The following GRIK1 variants were observed in gnomAD, a reference collection of about 807,000 sequenced individuals.
GRIK1 encodes the protein glutamate ionotropic receptor kainate type subunit 1.
GRIK1 carries 69 observed loss-of-function variants against 105.7 expected under a neutral mutation model. The observed-to-expected ratio is 0.65, with a 90% CI of 0.54 to 0.80. GRIK1 has a LOEUF of 0.80. Ranked by LOEUF, GRIK1 falls within the 30% of genes least tolerant of loss-of-function variation. GRIK1 has a pLI of 0.00. For synonymous variants in GRIK1, 438 were observed against 431.3 expected (o/e 1.02, Z -0.19); for missense variants, 1,109 against 1,167.3 (o/e 0.95, Z 0.73).
intron 1 of GRIK1, among the ~76,000 whole-genome samples, chr21:29,725,962 A>AT (rs987712115): frequency 2.0e-5 from 3 of 152,282 alleles, no homozygotes; most frequent in Non-Finnish European, 4.4e-5. Context: ...GCATTAATAC[A>AT]TTTTCAAAAG....
chr21:29,660,130 G>C, intron 4 of GRIK1, among the ~76,000 whole-genome samples: 1 of 152,190 alleles, frequency 6.6e-6, no homozygotes, highest in Non-Finnish European at 1.5e-5. Flanking sequence ...TGGTCCAGCT[G>C]CTTTCTGGAG....
intron 1 of GRIK1, among the ~76,000 whole-genome samples, chr21:29,803,569 G>A (rs867669078): frequency 6.6e-6 from 1 of 151,968 alleles, no homozygotes; most frequent in Admixed American, 6.6e-5. Flanking sequence ...GAGAAACCCT[G>A]GTGGCTCTTC....
intron 4 of GRIK1, among the ~76,000 whole-genome samples, chr21:29,657,048 T>A (rs2062868104): frequency 6.6e-6 from 1 of 152,216 alleles, no homozygotes; most frequent in Non-Finnish European, 1.5e-5. Flanking sequence ...TCTTGTTAGC[T>A]GTTCTCTTAT....
chr21:29,770,082 G>T (rs1291560454), intron 1 of GRIK1, among the ~76,000 whole-genome samples: 2 of 152,102 alleles, frequency 1.3e-5, no homozygotes, highest in Non-Finnish European at 2.9e-5. Flanking sequence ...TGATCTTCTG[G>T]ATGCGGGGAG....
chr21:29,554,701 A>AT (rs1360071709), intron 16 of GRIK1, among the ~76,000 whole-genome samples: 2 of 152,164 alleles, frequency 1.3e-5, no homozygotes, highest in South Asian at 4.1e-4. Flanking sequence ...ATATCTTTTT[A>AT]TATCTTTTCC....
At chr21:29,892,901 C>T (rs2069955036) in intron 1 of GRIK1, among the ~76,000 whole-genome samples, 1 of 152,172 alleles carries the variant, frequency 6.6e-6, no homozygotes, top group Non-Finnish European at 1.5e-5. Flanking sequence ...TGGCCGGACA[C>T]AGTGGCTTAT....
At chr21:29,582,419 ACGTTTCTGG>A in intron 12 of GRIK1, 2 of 410,138 alleles carry the variant, frequency 4.9e-6, no homozygotes, top group Admixed American at 6.8e-5. Context: ...TGGGCAGTAA[ACGTTTCTGG>A]AAAAACAACT....
chr21:29,628,425 T>C (rs990241775), intron 7 of GRIK1, among the ~76,000 whole-genome samples: 4 of 152,244 alleles, frequency 2.6e-5, no homozygotes, highest in Non-Finnish European at 5.9e-5. Flanking sequence ...GATCACTGCA[T>C]AATTTAAAAA....
At chr21:29,764,566 T>C (rs1258430527) in intron 1 of GRIK1, among the ~76,000 whole-genome samples, 1 of 152,228 alleles carries the variant, frequency 6.6e-6, no homozygotes, top group Non-Finnish European at 1.5e-5. Flanking sequence ...AAAAGCTAAT[T>C]AACCTCCACA....
chr21:29,920,758 C>T (rs2071164757), intron 1 of GRIK1, among the ~76,000 whole-genome samples: 4 of 151,978 alleles, frequency 2.6e-5, no homozygotes, highest in South Asian at 2.1e-4. Context: ...GATTTTGTAA[C>T]TTGCTGTAGT....
intron 1 of GRIK1, among the ~76,000 whole-genome samples, chr21:29,906,486 T>A (rs1432592759): frequency 1.3e-5 from 2 of 152,224 alleles, no homozygotes; most frequent in Admixed American, 1.3e-4. Context: ...AATTGTTTTT[T>A]AAGGTAGATT....
At chr21:29,619,173 T>C (rs2061926963) in intron 7 of GRIK1, among the ~76,000 whole-genome samples, 1 of 141,574 alleles carries the variant, frequency 7.1e-6, no homozygotes, top group Admixed American at 7.3e-5. Flanking sequence ...GCACGATGCC[T>C]CACGCCTGTA....
intron 1 of GRIK1, among the ~76,000 whole-genome samples, chr21:29,821,868 A>C (rs1194532457): frequency 6.6e-6 from 1 of 151,996 alleles, no homozygotes; most frequent in African/African-American, 2.4e-5. Context: ...CTCATGACAC[A>C]CAACTTTTTA....
chr21:29,823,151 G>A (rs2067351770), intron 1 of GRIK1, among the ~76,000 whole-genome samples: 1 of 151,662 alleles, frequency 6.6e-6, no homozygotes, highest in African/African-American at 2.4e-5. Flanking sequence ...GAACATGAGA[G>A]ACAATTATTT....
At chr21:29,885,565 C>T (rs1044260088) in intron 1 of GRIK1, among the ~76,000 whole-genome samples, 1 of 152,048 alleles carries the variant, frequency 6.6e-6, no homozygotes, top group Non-Finnish European at 1.5e-5. Context: ...AGAAAACTTG[C>T]TTCAAAGGAA....
chr21:29,868,456 G>A (rs2068901132), intron 1 of GRIK1, among the ~76,000 whole-genome samples: 1 of 152,084 alleles, frequency 6.6e-6, no homozygotes, highest in African/African-American at 2.4e-5. Context: ...AATGTGGATG[G>A]ATCTGTGATG....
intron 1 of GRIK1, among the ~76,000 whole-genome samples, chr21:29,859,163 G>C (rs1334593441): frequency 1.3e-5 from 2 of 148,156 alleles, no homozygotes; most frequent in Non-Finnish European, 3.0e-5. Context: ...ATTGAACAAT[G>C]AGAACACTTG....
intron 1 of GRIK1, among the ~76,000 whole-genome samples, chr21:29,695,925 G>C (rs942173079): frequency 1.3e-5 from 2 of 152,134 alleles, no homozygotes; most frequent in African/African-American, 4.8e-5. Flanking sequence ...TATAGAAAAA[G>C]TCTGAAACGA....
chr21:29,882,684 A>G (rs2069464598), intron 1 of GRIK1, among the ~76,000 whole-genome samples: 1 of 152,104 alleles, frequency 6.6e-6, no homozygotes, highest in Non-Finnish European at 1.5e-5. Flanking sequence ...GGGAACAGAG[A>G]ATTATCTCAC....
Sources: allele counts gnomAD v4.1 joint callset (sites outside exome capture counted in the v4.1 genomes callset), GRCh38; gene constraint gnomAD v4.1.1; transcripts MANE v1.5; gene names NCBI Gene and HGNC (gene_info 2026-07-23, HGNC 2026-07-21).